The following CCDC181 variants were observed in gnomAD, a reference collection of about 807,000 sequenced individuals.
CCDC181 encodes the protein coiled-coil domain containing 181.
A neutral mutation model predicts 58.7 loss-of-function variants in CCDC181; 35 were observed. The ratio of observed to expected loss-of-function variants is 0.60; its 90% CI spans 0.46 to 0.79. The LOEUF is 0.79. Among genes scored for constraint, CCDC181 ranks in the 30% least tolerant of loss-of-function variants. The pLI is 0.00. For synonymous variants in CCDC181, 183 were observed against 197.5 expected (o/e 0.93, Z 0.62); for missense variants, 517 against 583.9 (o/e 0.89, Z 1.18).
chr1:169,415,478 T>C (rs1356668332), intron 4 of CCDC181, among the ~76,000 whole-genome samples: 1 of 152,190 alleles, frequency 6.6e-6, no homozygotes, highest in African/African-American at 2.4e-5. Context: ...TGGCCCTAAA[T>C]TTCCTATCTT....
intron 4 of CCDC181, among the ~76,000 whole-genome samples, chr1:169,403,344 C>A (rs927911875): frequency 1.3e-5 from 2 of 152,246 alleles, no homozygotes; most frequent in African/African-American, 4.8e-5. Flanking sequence ...CACCCCAAAT[C>A]AACAGAATAT....
At chr1:169,445,302 G>A (rs1412369253) in intron 2 of CCDC181, among the ~76,000 whole-genome samples, 10 of 152,130 alleles carry the variant, frequency 6.6e-5, no homozygotes. Context: ...TAGAAAGTTT[G>A]AGCAAATTCC....
rs189298735 is a variant in CCDC181 at position 169,437,698 on chromosome 1, T to A, written c.-23-12748A>T. Among the ~76,000 whole-genome samples the A allele has an allele frequency of 4.9e-3, 742 of 152,264 alleles. 3 individuals carry two copies. The highest frequency in any genetic ancestry group is 7.7e-3 in the Non-Finnish European group (526 of 68,022). On this transcript the variant is annotated intron_variant, in intron 2 of 6. Transcript: ENST00000545005. ...CCAAGAAGAGAGGAGTGGAACCACT[T>A]TGCAACTGTCTGAGCATACTCATGC... is the stretch of plus-strand genomic sequence containing the variant.
chr1:169,413,337 A>C (rs563971326), intron 4 of CCDC181, among the ~76,000 whole-genome samples: 44 of 152,372 alleles, frequency 2.9e-4, no homozygotes, highest in African/African-American at 1.0e-3. Context: ...CCCACCAGTT[A>C]GAATGGCGAT....
In CCDC181 at chr1:169,424,858, C is replaced by G. The variant is rs758760085; in HGVS notation, c.70G>C (p.Glu24Gln). The G allele has an allele frequency of 3.1e-6, 5 of 1,608,800 alleles. No individual in the cohort carries two copies. The highest frequency in any genetic ancestry group is 3.3e-5 in the Admixed American group (2 of 59,822). ...EYEDDFEKDL[E>Q]WLINENEKSD... ...TTTTCATTTTCATTAATTAACCACTCCAGGTCCTTTTCAAAGTCATCTTCG... is the reference window on the plus strand; with the variant it reads ...TTTTCATTTTCATTAATTAACCACTGCAGGTCCTTTTCAAAGTCATCTTCG... The change falls in exon 2 of 6, where the codon GAG becomes CAG. Residue 24 changes from glutamate (E) to glutamine (Q), a missense_variant. By Grantham distance (29) the Glu-to-Gln change is conservative. Transcript: ENST00000367806.
chr1:169,432,112 A>G (rs1303596196), upstream of CCDC181, among the ~76,000 whole-genome samples: 1 of 152,174 alleles, frequency 6.6e-6, no homozygotes, highest in Non-Finnish European at 1.5e-5. Context: ...AAAGTGAAGA[A>G]AATAATATAT....
At position 169,394,918 on chromosome 1, in the gene CCDC181, C is replaced by A; in HGVS notation, c.*129G>T. On this transcript the variant is annotated 3_prime_UTR_variant, in exon 6 of 6. Coordinates refer to ENST00000367806, the MANE Select transcript of CCDC181 (RefSeq NM_001300969.2). ...TTATTTTGTTCTAGTATTAAAAAAA[C>A]AAATTCACTGTCAATAAAAGATAAA... 1 of 851,382 alleles carries A rather than the reference C, an allele frequency of 1.2e-6. No individual in the cohort carries two copies. Among genetic ancestry groups the A allele is most frequent in the Non-Finnish European group, 1.7e-6 (1 of 596,362 alleles). 52.7% of individuals were successfully genotyped at this position (851,382 alleles called of 1,614,324 possible).
chr1:169,400,853 C>T (rs993689786), intron 4 of CCDC181, among the ~76,000 whole-genome samples: 14 of 152,206 alleles, frequency 9.2e-5, no homozygotes, highest in East Asian at 1.9e-4. Flanking sequence ...AGTGGGGCAT[C>T]GCCTCACCCA....
chr1:169,446,740 G>A (rs1210118292), intron 2 of CCDC181, among the ~76,000 whole-genome samples: 1 of 152,188 alleles, frequency 6.6e-6, no homozygotes, highest in Non-Finnish European at 1.5e-5. Flanking sequence ...ACAGAAGAAT[G>A]TATGTAGGTT....
intron 4 of CCDC181, among the ~76,000 whole-genome samples, chr1:169,407,092 G>A (rs1350506752): frequency 6.7e-6 from 1 of 149,154 alleles, no homozygotes; most frequent in Non-Finnish European, 1.5e-5. Flanking sequence ...AAGAAACAGT[G>A]GCTGAGAATT....
chr1:169,407,783 G>A (rs934624013), intron 4 of CCDC181, among the ~76,000 whole-genome samples: 3 of 152,158 alleles, frequency 2.0e-5, no homozygotes, highest in Admixed American at 1.3e-4. Context: ...CAGAGGGTGA[G>A]CCGAGGCAGG....
At chr1:169,413,989 G>A (rs1435184987) in intron 4 of CCDC181, among the ~76,000 whole-genome samples, 15 of 150,984 alleles carry the variant, frequency 9.9e-5, no homozygotes, top group Admixed American at 8.6e-4. Flanking sequence ...TGCACTTTCT[G>A]CACACGTATC....
Position 169,395,218 on chromosome 1 carries a change from G to A in CCDC181, c.1371-12C>T. On this transcript the variant is annotated splice_polypyrimidine_tract_variant and intron_variant, in intron 5 of 5. Coordinates refer to ENST00000367806, the MANE Select transcript of CCDC181 (RefSeq NM_001300969.2). ...TCCTTCTTAACCATCTGTAGAAACA[G>A]GCATGATCAGATTTGGTGAGTATCA... The A allele has an allele frequency of 1.2e-6, 2 of 1,605,600 alleles. No homozygotes were observed. The highest frequency in any genetic ancestry group is 2.2e-5 in the East Asian group (1 of 44,628).
At chr1:169,453,341 T>C (rs1242077245) in intron 2 of CCDC181, among the ~76,000 whole-genome samples, 1 of 152,114 alleles carries the variant, frequency 6.6e-6, no homozygotes, top group East Asian at 1.9e-4. Context: ...ACAACATAAC[T>C]ACATCTTGAT....
intron 2 of CCDC181, among the ~76,000 whole-genome samples, chr1:169,452,248 G>A (rs894912589): frequency 6.6e-6 from 1 of 152,108 alleles, no homozygotes; most frequent in African/African-American, 2.4e-5. Context: ...ACCAGAAAGA[G>A]GTATGTTCCA....
At chr1:169,436,645 G>A (rs959074427) in intron 2 of CCDC181, among the ~76,000 whole-genome samples, 6 of 152,094 alleles carry the variant, frequency 3.9e-5, no homozygotes, top group African/African-American at 9.7e-5. Flanking sequence ...TTGCAATATC[G>A]TACAATCATT....
At chr1:169,405,675 TA>T (rs995062163) in intron 4 of CCDC181, among the ~76,000 whole-genome samples, 1 of 152,192 alleles carries the variant, frequency 6.6e-6, no homozygotes, top group African/African-American at 2.4e-5. Context: ...ATTAAAGACT[TA>T]AATGTTAGAC....
chr1:169,414,836 T>C (rs1401933984), intron 4 of CCDC181, among the ~76,000 whole-genome samples: 19 of 152,166 alleles, frequency 1.2e-4, no homozygotes, highest in Non-Finnish European at 2.1e-4. Context: ...ATAAGCCAAA[T>C]TAATCAACTA....
At chr1:169,419,267 A>G in intron 3 of CCDC181, 108 bp from the exon 4 acceptor site, 2 of 1,311,244 alleles carry the variant, frequency 1.5e-6, no homozygotes, top group Non-Finnish European at 2.0e-6. Flanking sequence ...CCCTGACCCT[A>G]AAACTTTCCA....
Sources: allele counts gnomAD v4.1 joint callset (sites outside exome capture counted in the v4.1 genomes callset), GRCh38; gene constraint gnomAD v4.1.1; transcripts MANE v1.5; gene names NCBI Gene and HGNC (gene_info 2026-07-23, HGNC 2026-07-21).